FAH: variants seen among roughly 807,000 people sequenced by gnomAD.
The protein encoded by FAH is fumarylacetoacetase.
In FAH, 47 loss-of-function variants were observed where a neutral mutation model predicts 55.8. The ratio of observed to expected loss-of-function variants is 0.84; its 90% CI spans 0.67 to 1.07. The LOEUF (loss-of-function observed/expected upper bound fraction) is 1.07. Ranked by LOEUF, FAH falls within the 50% of genes least tolerant of loss-of-function variation. FAH has a pLI of 0.00. For synonymous variants in FAH, 199 were observed against 207.7 expected (o/e 0.96, Z 0.36); for missense variants, 495 against 545.9 (o/e 0.91, Z 0.93).
intron 13 of FAH, among the ~76,000 whole-genome samples, chr15:80,184,707 C>T (rs1271595856): frequency 6.6e-6 from 1 of 152,148 alleles, no homozygotes; most frequent in African/African-American, 2.4e-5. Context: ...TGCATGTTGT[C>T]AGCATGTGGG....
intron 10 of FAH, among the ~76,000 whole-genome samples, chr15:80,175,525 C>G (rs1036966275): frequency 9.2e-5 from 14 of 152,128 alleles, no homozygotes; most frequent in African/African-American, 3.1e-4. Flanking sequence ...CCACACAGAG[C>G]CAGCGCATCA....
At chr15:80,159,163 G>A (rs2041125739) in intron 2 of FAH, among the ~76,000 whole-genome samples, 1 of 151,912 alleles carries the variant, frequency 6.6e-6, no homozygotes, top group Admixed American at 6.6e-5. Flanking sequence ...GCTTGAACCT[G>A]GGAAGCAGAG....
intron 9 of FAH, among the ~76,000 whole-genome samples, chr15:80,174,277 G>A (rs1407293864): frequency 6.6e-6 from 1 of 152,164 alleles, no homozygotes; most frequent in Non-Finnish European, 1.5e-5. Context: ...GGTCATCACA[G>A]GGTTTTGCCT....
At chr15:80,177,647 G>T in intron 11 of FAH, 64 bp downstream of exon 11, 1 of 1,433,318 alleles carries the variant, frequency 7.0e-7, no homozygotes, top group South Asian at 1.1e-5. Flanking sequence ...TTTCTTCCTG[G>T]CAGGAACAGG....
chr15:80,155,883 T>G (rs1200418743), intron 1 of FAH: 5 of 475,778 alleles, frequency 1.1e-5, no homozygotes, highest in Admixed American at 9.3e-5. Context: ...TCAAAGACTT[T>G]AAGACTTTCG....
Position 80,172,129 on chromosome 15 carries a change from T to G in FAH, c.607-20T>G, listed in dbSNP as rs377313331. The G allele has an allele frequency of 6.3e-7, 1 of 1,584,810 alleles. No homozygotes were observed. The highest frequency in any genetic ancestry group is 8.7e-7 in the Non-Finnish European group (1 of 1,153,514). On this transcript the variant is annotated intron_variant, in intron 7 of 13. Coordinates refer to ENST00000561421, the MANE Select transcript of FAH (RefSeq NM_000137.4). ...GCGGCAGATCAGCTCCAGATTCTAA[T>G]GAACTCTCCCCCATGTAAGGCTTTT...
chr15:80,162,221 G>C (rs1295834018), intron 4 of FAH, 25 bp from the exon 5 acceptor site: 1 of 1,589,520 alleles, frequency 6.3e-7, no homozygotes, highest in African/African-American at 1.3e-5. Context: ...TTGCTGATGG[G>C]ATCTGTTGGG....
intron 11 of FAH, among the ~76,000 whole-genome samples, chr15:80,179,206 C>A (rs1267384467): frequency 6.6e-6 from 1 of 152,170 alleles, no homozygotes; most frequent in African/African-American, 2.4e-5. Context: ...TCGTTCAAAC[C>A]GTGCCTGGGA....
At chr15:80,157,570 T>G (rs1305226408) in intron 1 of FAH, 3 of 200,116 alleles carry the variant, frequency 1.5e-5, no homozygotes, top group Admixed American at 5.2e-5. Context: ...CTCCTCCATT[T>G]GAGCTACAAC....
At chr15:80,166,092 A>G (rs924926068) in intron 5 of FAH, 2 of 152,152 alleles carry the variant, frequency 1.3e-5, no homozygotes, top group Non-Finnish European at 2.9e-5. Context: ...TTCTCCAGAG[A>G]CAAAACTGTT....
intron 3 of FAH, 35 bp downstream of exon 3, chr15:80,159,912 A>G (rs772755729): frequency 1.2e-6 from 2 of 1,611,242 alleles, no homozygotes; most frequent in Non-Finnish European, 1.7e-6. Flanking sequence ...GGATGAGGGG[A>G]TGCAGCAGGG....
chr15:80,186,065 G>A, intron 13 of FAH, 65 bp from the exon 14 acceptor site: 1 of 1,325,940 alleles, frequency 7.5e-7, no homozygotes, highest in Non-Finnish European at 1.1e-6. Context: ...CACTGCCGCT[G>A]CCTAGGTGTT....
At chr15:80,182,358 T>C (rs2041338602) in intron 13 of FAH, among the ~76,000 whole-genome samples, 1 of 152,186 alleles carries the variant, frequency 6.6e-6, no homozygotes, top group Non-Finnish European at 1.5e-5. Flanking sequence ...ACTCCAGAGC[T>C]CTTGGAGAGC....
chr15:80,159,915 C>T (rs2041134417), intron 3 of FAH, 38 bp downstream of exon 3: 4 of 1,609,524 alleles, frequency 2.5e-6, no homozygotes, highest in South Asian at 2.2e-5. Flanking sequence ...TGAGGGGATG[C>T]AGCAGGGGAG....
chr15:80,174,574 G>A (rs1182161677), intron 9 of FAH, among the ~76,000 whole-genome samples: 2 of 152,166 alleles, frequency 1.3e-5, no homozygotes, highest in Non-Finnish European at 2.9e-5. Context: ...CATCCAAGCT[G>A]CCTCCCTAGC....
In FAH at chr15:80,168,138, A is replaced by G. The variant is rs775700153; in HGVS notation, c.542A>G (p.Lys181Arg). ...TPIRRPMGQM[K>R]PDDSKPPVYG... ...ATCCGAAGGCCCATGGGACAGATGA[A>G]ACCTGATGACTGTGAGTGACCGCAG... The change falls in exon 6 of 14, where the codon AAA becomes AGA. Residue 181 changes from lysine (K) to arginine (R), a missense_variant. Transcript: ENST00000561421. 1 of 1,614,068 alleles carries G rather than the reference A, an allele frequency of 6.2e-7. No individual in the cohort carries two copies. The highest frequency in any genetic ancestry group is 8.5e-7 in the Non-Finnish European group (1 of 1,179,994).
intron 9 of FAH, among the ~76,000 whole-genome samples, chr15:80,174,313 C>A (rs2041264992): frequency 6.6e-6 from 1 of 152,196 alleles, no homozygotes; most frequent in Non-Finnish European, 1.5e-5. Flanking sequence ...AGCCCTTCCC[C>A]AACACCATTT....
Position 80,160,421 on chromosome 15 carries a change from C to T in FAH, c.326C>T (p.Ser109Phe). Residue 109 changes from serine to phenylalanine, a missense_variant, in exon 4 of 14, where the codon TCC (serine) becomes TTC (phenylalanine). Ser to Phe is a radical substitution (Grantham distance 155). Transcript: ENST00000561421. ...DTELRKCAFISQASATMHLPA... is the reference protein window; with the variant it reads ...DTELRKCAFIFQASATMHLPA... Reference sequence around the variant, plus strand: ...GTTCTGTGTTTCAGTGCATTCATCTCCCAGGCTTCTGCCACGATGCACCTT... The same window carrying T: ...GTTCTGTGTTTCAGTGCATTCATCTTCCAGGCTTCTGCCACGATGCACCTT... 6.2e-7 allele frequency: 1 copy of T among 1,614,196 alleles called. No homozygotes were observed. Among genetic ancestry groups the T allele is most frequent in the Non-Finnish European group, 8.5e-7 (1 of 1,180,022 alleles).
At chr15:80,181,226 G>T in intron 13 of FAH, 67 bp downstream of exon 13, 1 of 1,153,600 alleles carries the variant, frequency 8.7e-7, no homozygotes, top group Non-Finnish European at 1.3e-6. Context: ...TAGCTGCGGG[G>T]CGCTCCTACC....
Sources: allele counts gnomAD v4.1 joint callset (sites outside exome capture counted in the v4.1 genomes callset), GRCh38; gene constraint gnomAD v4.1.1; transcripts MANE v1.5; gene names NCBI Gene and HGNC (gene_info 2026-07-23, HGNC 2026-07-21).